REST: variants seen among roughly 807,000 people sequenced by gnomAD.
REST encodes the protein RE1 silencing transcription factor.
A neutral mutation model predicts 30.4 loss-of-function variants in REST; 1 was observed. That is an observed-to-expected ratio of 0.03 (90% CI 0.01 to 0.16). The LOEUF (loss-of-function observed/expected upper bound fraction) is 0.16, where lower values mean the gene tolerates loss of function less well. REST is among the 10% of genes least tolerant of loss of function. The pLI, the probability that REST is intolerant of heterozygous loss-of-function variation, is 1.00. For synonymous variants in REST, 504 were observed against 451.1 expected (o/e 1.12, Z -1.49); for missense variants, 1,259 against 1,329.5 (o/e 0.95, Z 0.82).
chr4:56,925,205 G>T (rs1219755310), intron 3 of REST, among the ~76,000 whole-genome samples: 1 of 151,400 alleles, frequency 6.6e-6, no homozygotes, highest in Non-Finnish European at 1.5e-5. Flanking sequence ...ATTCTCTCTT[G>T]GTTTTTGTTT....
intron 2 of REST, among the ~76,000 whole-genome samples, chr4:56,919,392 A>G (rs1720348255): frequency 6.6e-6 from 1 of 152,160 alleles, no homozygotes; most frequent in African/African-American, 2.4e-5. Flanking sequence ...AAAAACCTAA[A>G]AACCGGTGTT....
In REST at chr4:56,931,798, A is replaced by C. The variant is rs2109579027; in HGVS notation, c.2940A>C (p.Glu980Asp). 1 of 1,614,252 alleles carries C rather than the reference A, an allele frequency of 6.2e-7. No individual in the cohort carries two copies. Among genetic ancestry groups the C allele is most frequent in the Non-Finnish European group, 8.5e-7 (1 of 1,180,048 alleles). Residue 980 changes from glutamate (E) to aspartate (D), a missense_variant, in exon 4 of 4, where the codon GAA (glutamate) becomes GAC (aspartate). By Grantham distance (45) the Glu-to-Asp change is conservative (BLOSUM62 2). Coordinates refer to ENST00000309042, the MANE Select transcript of REST (RefSeq NM_005612.5). ...CAATGCTTCCCCCTTCAGCAGTAGA[A>C]GAACGTGAAGCAGTGTCCAAAACTG... ...VSPMLPPSAV[E>D]EREAVSKTAL...
At chr4:56,913,934 G>A (rs1040258904) in intron 2 of REST, among the ~76,000 whole-genome samples, 4 of 151,748 alleles carry the variant, frequency 2.6e-5, no homozygotes, top group East Asian at 1.9e-4. Flanking sequence ...GTGAGCCACC[G>A]CGCCTGGCCA....
rs1026766029 is a variant in REST, at chr4:56,932,765, C to G, written c.*613C>G. On this transcript the variant is annotated 3_prime_UTR_variant, in exon 4 of 4. Coordinates refer to ENST00000309042, the MANE Select transcript of REST (RefSeq NM_005612.5). ...GTTTTTTATTTTGGTGCTTTAATGG[C>G]TTAAGATGTTGCACATTTTTTTTTT... is the stretch of plus-strand genomic sequence containing the variant. 2.0e-5 allele frequency: 3 copies of G among 151,754 alleles called. No homozygotes were observed. The highest frequency in any genetic ancestry group is 6.6e-5 in the Admixed American group (1 of 15,224). 9.4% of individuals were successfully genotyped at this position (151,754 alleles called of 1,614,324 possible).
intron 3 of REST, among the ~76,000 whole-genome samples, chr4:56,924,710 G>T (rs1720605502): frequency 1.3e-5 from 2 of 151,518 alleles, no homozygotes; most frequent in South Asian, 4.2e-4. Flanking sequence ...CGATCCACTT[G>T]CCTCACCCTA....
chr4:56,913,809 T>C lies in REST; in HGVS notation c.898+2273T>C, dbSNP rs28589515. ...GATTATAGGTGCCCACCACCATGGCTAGCTAATTTTTTGTTTTTTTAGTAG... is the reference window on the plus strand; with the variant it reads ...GATTATAGGTGCCCACCACCATGGCCAGCTAATTTTTTGTTTTTTTAGTAG... On this transcript the variant is annotated intron_variant, in intron 2 of 3. Transcript: ENST00000309042. Among the ~76,000 whole-genome samples, 658 of 152,134 alleles carry C rather than the reference T, an allele frequency of 4.3e-3. 6 individuals are homozygous for C. Among genetic ancestry groups the C allele is most frequent in the African/African-American group, 0.015 (611 of 41,512 alleles).
At chr4:56,923,443 A>G (rs1720541653) in intron 3 of REST, among the ~76,000 whole-genome samples, 1 of 151,806 alleles carries the variant, frequency 6.6e-6, no homozygotes, top group Admixed American at 6.6e-5. Context: ...ATTGGGGACT[A>G]TTATTATTAT....
chr4:56,918,317 C>T (rs1429506398), intron 2 of REST, among the ~76,000 whole-genome samples: 1 of 148,420 alleles, frequency 6.7e-6, no homozygotes, highest in Non-Finnish European at 1.5e-5. Flanking sequence ...CATGGCAAAA[C>T]CTGGTCTCTA....
chr4:56,921,271 TTAA>T (rs1387085678), intron 3 of REST, among the ~76,000 whole-genome samples: 3 of 152,230 alleles, frequency 2.0e-5, no homozygotes, highest in Non-Finnish European at 4.4e-5. Context: ...CTCCCTTAAG[TTAA>T]TAATTAGCTT....
chr4:56,910,566 G>A (rs1719847809), intron 1 of REST, 64 bp from the exon 2 acceptor site: 1 of 1,360,542 alleles, frequency 7.4e-7, no homozygotes, highest in South Asian at 1.4e-5. Context: ...ACAGCGATGT[G>A]GTTTTAAGCC....
intron 2 of REST, among the ~76,000 whole-genome samples, chr4:56,912,936 G>A (rs190931126): frequency 4.6e-4 from 69 of 148,844 alleles, no homozygotes; most frequent in African/African-American, 1.7e-3. Flanking sequence ...GTGGGCTACC[G>A]CACCCAGCCG....
In REST at chr4:56,930,668, G is replaced by A. The variant is rs773660811; in HGVS notation, c.1810G>A (p.Gly604Arg). The change falls in exon 4 of 4, where the codon GGA (glycine) becomes AGA (arginine). Residue 604 changes from glycine to arginine, a missense_variant. By Grantham distance (125) the Gly-to-Arg change is moderately radical. Around this residue, in one of 5 missense-constraint regions of REST, gnomAD observed 856 missense variants for 772.8 expected, o/e 1.11. Transcript: ENST00000309042. ...TCCTCAGAAGGAACCTGTTGAGAAG[G>A]GATCTGCTCAGATGGACCCTCCTCA... ...KPPQKEPVEK[G>R]SAQMDPPQMG... is the part of the protein sequence containing the mutation. The A allele has an allele frequency of 3.1e-6, 5 of 1,613,710 alleles. No homozygotes were observed. Among genetic ancestry groups the A allele is most frequent in the South Asian group, 2.2e-5 (2 of 91,034 alleles).
chr4:56,913,870 G>A (rs1490388819), intron 2 of REST, among the ~76,000 whole-genome samples: 3 of 151,956 alleles, frequency 2.0e-5, no homozygotes, highest in Non-Finnish European at 2.9e-5. Flanking sequence ...GGCTAGTCTC[G>A]AACTCCTGAC....
chr4:56,930,334 T>C lies in REST; in HGVS notation c.1476T>C (p.Thr492=), dbSNP rs1720902198. ...CAGTGATCCAGGTGACTACCAGAAC[T>C]CGAAAATCAGTAACAGAGGTGAAAG... ...NVSVIQVTTR[T]RKSVTEVKEM... Residue 492 remains threonine (T), a synonymous_variant, in exon 4 of 4, where the codon ACT becomes ACC. Transcript: ENST00000309042. 1 of 1,613,888 alleles carries C rather than the reference T, an allele frequency of 6.2e-7. No homozygotes were observed. The highest frequency in any genetic ancestry group is 8.5e-7 in the Non-Finnish European group (1 of 1,179,974).
chr4:56,931,662 A>C lies in REST; in HGVS notation c.2804A>C (p.Asn935Thr). ...AATACGCCAGAGGGTGAAACTTTAA[A>C]TGGTAAACATCAGACTGACAGTATA... Reference protein sequence around the residue: ...NLNTPEGETLNGKHQTDSIVC... With the variant: ...NLNTPEGETLTGKHQTDSIVC... The change falls in exon 4 of 4, where the codon AAT (asparagine) becomes ACT (threonine). Residue 935 changes from asparagine (N) to threonine (T), a missense_variant. Coordinates refer to ENST00000309042, the MANE Select transcript of REST (RefSeq NM_005612.5). 1 of 1,614,238 alleles carries C rather than the reference A, an allele frequency of 6.2e-7. No individual in the cohort carries two copies. The highest frequency in any genetic ancestry group is 1.1e-5 in the South Asian group (1 of 91,084).
intron 2 of REST, among the ~76,000 whole-genome samples, chr4:56,913,609 G>T (rs1201559807): frequency 6.6e-6 from 1 of 152,100 alleles, no homozygotes; most frequent in Non-Finnish European, 1.5e-5. Flanking sequence ...ACTGAGGAGG[G>T]GAATTGATGC....
In REST at chr4:56,935,589, T is replaced by G. The variant is rs1396598766; in HGVS notation, c.*3437T>G. On this transcript the variant is annotated 3_prime_UTR_variant, in exon 4 of 4. Coordinates refer to ENST00000309042, the MANE Select transcript of REST (RefSeq NM_005612.5). ...ACTTAAGCAGTGCAATACGTGTTAC[T>G]TTTCTGAGGCAAACCAAAGGTAAAT... 1 of 152,238 alleles carries G rather than the reference T, an allele frequency of 6.6e-6. No homozygotes were observed. The highest frequency in any genetic ancestry group is 1.5e-5 in the Non-Finnish European group (1 of 68,034). 9.4% of individuals were successfully genotyped at this position (152,238 alleles called of 1,614,324 possible).
chr4:56,910,743 C>A lies in REST; in HGVS notation c.105C>A (p.Asp35Glu). 1 of 1,614,182 alleles carries A rather than the reference C, an allele frequency of 6.2e-7. No homozygotes were observed. Among genetic ancestry groups the A allele is most frequent in the Non-Finnish European group, 8.5e-7 (1 of 1,180,040 alleles). Residue 35 changes from aspartate to glutamate, a missense_variant, in exon 2 of 4, where the codon GAC becomes GAA. Physicochemically the swap from Asp to Glu is conservative, Grantham distance 45 (BLOSUM62 2). Coordinates refer to ENST00000309042, the MANE Select transcript of REST (RefSeq NM_005612.5). ...CTAACGACATGTATGACTTGCATGA[C>A]CTTTCCAAAGCTGAACTGGCCGCAC... ...ALPNDMYDLHDLSKAELAAPQ... is the reference protein window; with the variant it reads ...ALPNDMYDLHELSKAELAAPQ...
At chr4:56,913,058 C>T (rs1720008921) in intron 2 of REST, among the ~76,000 whole-genome samples, 1 of 152,058 alleles carries the variant, frequency 6.6e-6, no homozygotes, top group African/African-American at 2.4e-5. Context: ...ACAGTCTTCC[C>T]AAGTGTTGGG....
Sources: allele counts gnomAD v4.1 joint callset (sites outside exome capture counted in the v4.1 genomes callset), GRCh38; gene constraint gnomAD v4.1.1; regional missense constraint gnomAD v4.1.1; transcripts MANE v1.5; gene names NCBI Gene and HGNC (gene_info 2026-07-23, HGNC 2026-07-21).